ZNF267: variants seen among roughly 807,000 people sequenced by gnomAD.
ZNF267 encodes the protein zinc finger (C2H2).
In ZNF267, 61 loss-of-function variants were observed where a neutral mutation model predicts 71.6. That is an observed-to-expected ratio of 0.85 (90% confidence interval 0.69 to 1.05). The LOEUF (loss-of-function observed/expected upper bound fraction) is 1.05, where lower values mean the gene tolerates loss of function less well. ZNF267 is among the 50% of genes least tolerant of loss of function. The pLI is 0.00. For missense variants in ZNF267, 852 were observed against 870.0 expected (o/e 0.98, Z 0.26); for synonymous variants, 288 against 293.2 (o/e 0.98, Z 0.18).
intron 3 of ZNF267, among the ~76,000 whole-genome samples, chr16:31,892,210 G>C (rs1393251850): frequency 3.9e-5 from 6 of 152,044 alleles, no homozygotes; most frequent in Non-Finnish European, 5.9e-5. Context: ...ATCTTACATG[G>C]ATGGCAGCAG....
chr16:31,874,276 A>G lies in ZNF267; in HGVS notation c.3+307A>G, dbSNP rs565569282. ...CCCCAGATTGTGCGGTGAGGACGGG[A>G]GCGTCTCAGGGGAGACCCAGGTTCG... On this transcript the variant is annotated intron_variant, in intron 1 of 3. Transcript: ENST00000300870. The G allele has an allele frequency of 9.8e-5, 36 of 366,160 alleles. 1 individual carries two copies. The South Asian group carries it at 1.7e-3, about 17-fold the overall frequency. The allele number at this position is 366,160 out of a possible 1,614,324, so 22.7% of individuals were successfully genotyped here.
intron 3 of ZNF267, among the ~76,000 whole-genome samples, chr16:31,907,374 T>C (rs976062418): frequency 6.6e-6 from 1 of 152,190 alleles, no homozygotes; most frequent in Admixed American, 6.5e-5. Flanking sequence ...CATTTTTTAA[T>C]CCTGTTTGCC....
At chr16:31,894,879 C>T (rs1405572734) in intron 3 of ZNF267, 1 of 397,530 alleles carries the variant, frequency 2.5e-6, no homozygotes, top group Non-Finnish European at 5.0e-6. Context: ...CAAGGAATCT[C>T]TTTCATGACC....
In ZNF267 at chr16:31,915,435, A is replaced by G. The variant is rs1479489565; in HGVS notation, c.1186A>G (p.Ile396Val). 5.6e-6 allele frequency: 9 copies of G among 1,613,770 alleles called. No individual in the cohort carries two copies. Among genetic ancestry groups the G allele is most frequent in the African/African-American group, 1.3e-5 (1 of 74,944 alleles). ...ATCTTTTACTCGTTCCTCCAATCTT[A>G]TTGTGCATCAGAGAATTCACACTGG... ...SKSFTRSSNL[I>V]VHQRIHTGEK... Residue 396 changes from isoleucine (I) to valine (V), a missense_variant, in exon 4 of 4, where the codon ATT becomes GTT. Physicochemically the swap from Ile to Val is conservative, Grantham distance 29 (BLOSUM62 3). Transcript: ENST00000300870.
At chr16:31,894,833 G>A in intron 3 of ZNF267, 1 of 475,070 alleles carries the variant, frequency 2.1e-6, no homozygotes, top group South Asian at 1.7e-5. Flanking sequence ...TAAGTGCCGT[G>A]AACTCCTGTG....
intron 3 of ZNF267, among the ~76,000 whole-genome samples, chr16:31,886,320 T>C (rs1264022615): frequency 6.6e-6 from 1 of 152,180 alleles, no homozygotes; most frequent in African/African-American, 2.4e-5. Context: ...GGGTCTATAG[T>C]ACTGGTCTGT....
chr16:31,885,540 A>T (rs745522625), intron 3 of ZNF267, among the ~76,000 whole-genome samples: 1 of 152,128 alleles, frequency 6.6e-6, no homozygotes, highest in Non-Finnish European at 1.5e-5. Context: ...CTGTTCTTCC[A>T]TTGATTTGGG....
chr16:31,884,776 A>G (rs780432784), intron 2 of ZNF267, 152 bp downstream of exon 2: 18 of 788,354 alleles, frequency 2.3e-5, no homozygotes, highest in African/African-American at 3.5e-5. Context: ...AAAAAATTTC[A>G]TAATGTTTGA....
chr16:31,878,613 G>A (rs997865142), intron 1 of ZNF267, among the ~76,000 whole-genome samples: 1 of 80,016 alleles, frequency 1.2e-5, no homozygotes, highest in African/African-American at 3.3e-5. Flanking sequence ...AATCTCATCT[G>A]CCTGCGTGGA....
intron 1 of ZNF267, among the ~76,000 whole-genome samples, chr16:31,881,635 T>C (rs2083890359): frequency 6.6e-6 from 1 of 151,898 alleles, no homozygotes. Context: ...AGTATAAAGA[T>C]ATAAAGAGAA....
intron 1 of ZNF267, among the ~76,000 whole-genome samples, chr16:31,877,423 G>C (rs1217319455): frequency 1.3e-5 from 2 of 152,098 alleles, no homozygotes; most frequent in Non-Finnish European, 2.9e-5. Flanking sequence ...GAGCAAACAA[G>C]CTCAGAAGGT....
chr16:31,916,536 C>T lies in ZNF267; in HGVS notation c.*55C>T, dbSNP rs573180797. ...TTGTTACCCATGTCTTATTGTGCATCAGATAATTTATATGGGAGTGAAACC... is the reference window on the plus strand; with the variant it reads ...TTGTTACCCATGTCTTATTGTGCATTAGATAATTTATATGGGAGTGAAACC... On this transcript the variant is annotated 3_prime_UTR_variant, in exon 4 of 4. Coordinates refer to ENST00000300870, the MANE Select transcript of ZNF267 (RefSeq NM_003414.6). The T allele has an allele frequency of 8.6e-6, 13 of 1,507,710 alleles. No individual in the cohort carries two copies. The South Asian group carries it at 1.3e-4, about 15-fold the overall frequency. 93.4% of individuals were successfully genotyped at this position (1,507,710 alleles called of 1,614,324 possible).
intron 3 of ZNF267, among the ~76,000 whole-genome samples, chr16:31,888,081 ACTT>A (rs2083935875): frequency 6.6e-6 from 1 of 151,950 alleles, no homozygotes; most frequent in African/African-American, 2.4e-5. Context: ...CAGATCTTTC[ACTT>A]CTTTTGTTAA....
intron 3 of ZNF267, among the ~76,000 whole-genome samples, chr16:31,909,220 C>A (rs2142359655): frequency 6.7e-6 from 1 of 148,558 alleles, no homozygotes; most frequent in African/African-American, 2.5e-5. Context: ...CAACCTCCGC[C>A]TCCCGGGTTC....
rs1470562718 is a variant in ZNF267, at chr16:31,915,673, G to T, written c.1424G>T (p.Arg475Leu). ...AAAGTATGTAGCAAATCTTATGCTC[G>T]TTCTTCAAATCTTATTATGCATCAG... is the stretch of plus-strand genomic sequence containing the variant. ...KCKVCSKSYA[R>L]SSNLIMHQRV... The change falls in exon 4 of 4, where the codon CGT becomes CTT. Residue 475 changes from arginine (R) to leucine (L), a missense_variant. Transcript: ENST00000300870. 1 of 1,613,748 alleles carries T rather than the reference G, an allele frequency of 6.2e-7. No individual in the cohort carries two copies.
At chr16:31,905,689 A>G (rs557482575) in intron 3 of ZNF267, among the ~76,000 whole-genome samples, 1 of 152,130 alleles carries the variant, frequency 6.6e-6, no homozygotes, top group Non-Finnish European at 1.5e-5. Context: ...CCATTCGTCT[A>G]ATTTTTTTTC....
chr16:31,889,368 G>C (rs1311441795), intron 3 of ZNF267, among the ~76,000 whole-genome samples: 1 of 151,788 alleles, frequency 6.6e-6, no homozygotes, highest in Non-Finnish European at 1.5e-5. Context: ...TTGCTTATTT[G>C]AGATCTTTGT....
At chr16:31,877,057 G>T (rs966072134) in intron 1 of ZNF267, among the ~76,000 whole-genome samples, 2 of 152,068 alleles carry the variant, frequency 1.3e-5, no homozygotes, top group Non-Finnish European at 2.9e-5. Flanking sequence ...CCTGATTTTG[G>T]TTTTTCTTCC....
rs1375121558 is a variant in ZNF267, at chr16:31,916,081, A to G, written c.1832A>G (p.Lys611Arg). The change falls in exon 4 of 4, where the codon AAA becomes AGA. Residue 611 changes from lysine to arginine, a missense_variant. By Grantham distance (26) the Lys-to-Arg change is conservative. Coordinates refer to ENST00000300870, the MANE Select transcript of ZNF267 (RefSeq NM_003414.6). The part of the protein sequence containing the change: ...EKPYTCKECG[K>R]AFSYSSDVIQ... ...CCCTATACATGTAAAGAATGTGGCA[A>G]AGCCTTTAGTTATAGTTCAGATGTT... 4 of 1,614,042 alleles carry G rather than the reference A, an allele frequency of 2.5e-6. No individual in the cohort carries two copies. In the Admixed American group the frequency reaches 6.7e-5, roughly 27 times the overall value.
Sources: gnomAD v4.1 joint callset for allele counts (sites outside exome capture counted in the v4.1 genomes callset) on GRCh38, gnomAD v4.1.1 for gene constraint, MANE v1.5 for transcripts, NCBI Gene and HGNC (gene_info 2026-07-23, HGNC 2026-07-21) for gene names.